Variants in CCDC13 observed in about 807,000 individuals in gnomAD.
CCDC13 encodes the protein coiled-coil domain containing 13, also known as coiled-coil domain-containing protein 13.
CCDC13 carries 70 observed loss-of-function variants against 87.3 expected under a neutral mutation model. The observed-to-expected ratio is 0.80, with a 90% CI of 0.66 to 0.98. CCDC13 has a LOEUF of 0.98. Among genes scored for constraint, CCDC13 ranks in the 50% least tolerant of loss-of-function variants. CCDC13 has a pLI of 0.00. For synonymous variants in CCDC13, 317 were observed against 360.3 expected, an observed-to-expected ratio of 0.88 and a Z score of 1.36; for missense variants, 842 against 892.0, an observed-to-expected ratio of 0.94 and a Z score of 0.71.
chr3:42,746,145 AT>A, intron 6 of CCDC13, 118 bp from the exon 7 acceptor site: 1 of 758,670 alleles, frequency 1.3e-6, no homozygotes, highest in African/African-American at 1.7e-5. Flanking sequence ...TCTTCTTCCC[AT>A]CTCAGAGCAT....
chr3:42,719,036 G>T (rs1416206990), intron 13 of CCDC13: 1 of 152,124 alleles, frequency 6.6e-6, no homozygotes, highest in Non-Finnish European at 1.5e-5. Flanking sequence ...TAAGATGTAG[G>T]GAGTTAGTGG....
rs1369965687 is a variant in CCDC13 at position 42,747,313 on chromosome 3, T to A, written c.664A>T (p.Ser222Cys). ...DRLVATNLKM[S>C]DLRNQIQSVK... Reference sequence around the variant, plus strand: ...GACTGGATCTGGTTTCGGAGGTCACTCATCTTCAAGTTGGTGGCCACCAGC... The same window carrying A: ...GACTGGATCTGGTTTCGGAGGTCACACATCTTCAAGTTGGTGGCCACCAGC... The change falls in exon 6 of 16, where the codon AGT becomes TGT. Residue 222 changes from serine (S) to cysteine (C), a missense_variant. Coordinates refer to ENST00000310232, the MANE Select transcript of CCDC13 (RefSeq NM_144719.4). 1.2e-6 allele frequency: 2 copies of A among 1,613,992 alleles called. No individual in the cohort carries two copies. The highest frequency in any genetic ancestry group is 1.7e-6 in the Non-Finnish European group (2 of 1,180,026).
intron 13 of CCDC13, among the ~76,000 whole-genome samples, chr3:42,721,579 T>C (rs1404319607): frequency 6.6e-6 from 1 of 152,254 alleles, no homozygotes; most frequent in Non-Finnish European, 1.5e-5. Flanking sequence ...GAGTAAAGCA[T>C]ACTCCTGTGA....
chr3:42,757,222 G>A lies in CCDC13; in HGVS notation c.222-8C>T. On this transcript the variant is annotated splice_polypyrimidine_tract_variant and splice_region_variant and intron_variant, in intron 2 of 15. Transcript: ENST00000310232. The stretch of plus-strand genomic sequence containing the variant: ...ATCTCATCTTCAAGCACCCTACAAG[G>A]CAAAGGCAGAATTAATGCTCCTCCA... 6.2e-7 allele frequency: 1 copy of A among 1,611,906 alleles called. No individual in the cohort carries two copies. The highest frequency in any genetic ancestry group is 8.5e-7 in the Non-Finnish European group (1 of 1,178,906).
At chr3:42,715,826 T>G (rs1698417797) in intron 13 of CCDC13, among the ~76,000 whole-genome samples, 1 of 152,294 alleles carries the variant, frequency 6.6e-6, no homozygotes, top group South Asian at 2.1e-4. Flanking sequence ...CCACTTCAAC[T>G]TTCCCCATGC....
At chr3:42,758,098 C>T in intron 2 of CCDC13, 27 bp downstream of exon 2, 1 of 1,567,878 alleles carries the variant, frequency 6.4e-7, no homozygotes, top group Non-Finnish European at 8.8e-7. Context: ...CACACACACC[C>T]CTGAGAGATT....
At chr3:42,741,094 T>A (rs1362358523) in intron 8 of CCDC13, 1 of 152,172 alleles carries the variant, frequency 6.6e-6, no homozygotes, top group African/African-American at 2.4e-5. Flanking sequence ...ACATGTAAGT[T>A]CAAGCTAGGT....
intron 9 of CCDC13, among the ~76,000 whole-genome samples, chr3:42,737,938 G>T (rs1575300529): frequency 6.6e-6 from 1 of 152,244 alleles, no homozygotes; most frequent in Admixed American, 6.5e-5. Context: ...GTCTATTTTG[G>T]CTTTTGCTGC....
chr3:42,709,584 T>C, intron 15 of CCDC13, 100 bp downstream of exon 15: 1 of 946,936 alleles, frequency 1.1e-6, no homozygotes. Context: ...TCTGGGCAAA[T>C]GAGTCAAAAG....
chr3:42,757,575 A>G (rs1392369854), intron 2 of CCDC13, among the ~76,000 whole-genome samples: 1 of 152,202 alleles, frequency 6.6e-6, no homozygotes, highest in Non-Finnish European at 1.5e-5. Context: ...AAAATTAGCC[A>G]GGCATGGTGG....
chr3:42,743,138 A>G (rs12635736), intron 7 of CCDC13, 81 bp from the exon 8 acceptor site: 725,541 of 1,516,084 alleles, frequency 0.48, 175,431 homozygotes, highest in African/African-American at 0.6. Context: ...GAGACCCCAC[A>G]GACTGAAGAT....
At chr3:42,704,146 C>T (rs1698110148), downstream of CCDC13, 1 of 152,224 alleles carries the variant, frequency 6.6e-6, no homozygotes, top group Non-Finnish European at 1.5e-5. Flanking sequence ...AATGTCACCA[C>T]AGCCCATAGG....
Position 42,708,685 on chromosome 3 carries a change from T to C in CCDC13, c.*295A>G. ...TGCCCGAGGGACTGCATCTGTCCATTCACAGCCGCCTTGCCATCCCAGAGC... is the reference window on the plus strand; with the variant it reads ...TGCCCGAGGGACTGCATCTGTCCATCCACAGCCGCCTTGCCATCCCAGAGC... On this transcript the variant is annotated 3_prime_UTR_variant, in exon 16 of 16. Transcript: ENST00000310232. 3.1e-6 allele frequency: 1 copy of C among 322,400 alleles called. No individual in the cohort carries two copies. Among genetic ancestry groups the C allele is most frequent in the Non-Finnish European group, 5.6e-6 (1 of 177,742 alleles). The allele number at this position is 322,400 out of a possible 1,614,324, so 20.0% of individuals were successfully genotyped here.
In CCDC13 at chr3:42,758,215, G is replaced by A. The variant is rs762839363; in HGVS notation, c.131C>T (p.Ala44Val). 1.9e-6 allele frequency: 3 copies of A among 1,614,114 alleles called. No homozygotes were observed. In the South Asian group the frequency reaches 3.3e-5, roughly 18 times the overall value. Residue 44 changes from alanine to valine, a missense_variant, in exon 2 of 16, where the codon GCT (alanine) becomes GTT (valine). Ala to Val is a moderately conservative substitution (Grantham distance 64, BLOSUM62 0). Transcript: ENST00000310232. ...REKELSLKSRADDQEEPLEVS... is the reference protein window; with the variant it reads ...REKELSLKSRVDDQEEPLEVS... Reference sequence around the variant, plus strand: ...CTCCAAGGGCTCCTCTTGGTCGTCAGCTCTGCTTTTGAGGCTCAGTTCTTT... The same window carrying A: ...CTCCAAGGGCTCCTCTTGGTCGTCAACTCTGCTTTTGAGGCTCAGTTCTTT...
intron 2 of CCDC13, among the ~76,000 whole-genome samples, chr3:42,757,543 G>A (rs9866005): frequency 0.046 from 7,050 of 152,182 alleles, 565 homozygotes; most frequent in African/African-American, 0.16. Flanking sequence ...GAAAGACCCT[G>A]TCTCTAAAAA....
chr3:42,752,538 A>T, intron 4 of CCDC13, 37 bp downstream of exon 4: 1 of 1,612,742 alleles, frequency 6.2e-7, no homozygotes, highest in South Asian at 1.1e-5. Context: ...CCATGCTAGG[A>T]GTCCCCTCCA....
intron 1 of CCDC13, among the ~76,000 whole-genome samples, chr3:42,772,362 G>A (rs77332436): frequency 0.011 from 1,731 of 151,820 alleles, 30 homozygotes; most frequent in African/African-American, 0.04. Context: ...AGGACTTAGA[G>A]CCAGGGAGTA....
intron 3 of CCDC13, among the ~76,000 whole-genome samples, chr3:42,755,180 G>A (rs938951559): frequency 7.2e-5 from 11 of 152,112 alleles, no homozygotes; most frequent in African/African-American, 1.4e-4. Flanking sequence ...TAAATATTTT[G>A]TAATCACTAG....
chr3:42,733,527 C>T lies in CCDC13; in HGVS notation c.1454G>A (p.Gly485Asp). Residue 485 changes from glycine to aspartate, a missense_variant, in exon 11 of 16, where the codon GGC becomes GAC. Coordinates refer to ENST00000310232, the MANE Select transcript of CCDC13 (RefSeq NM_144719.4). ...TGCTGAGGCCGGGGACTTGGTCAGG[C>T]CTGGGTCCTCCAGGAACTGGGTATA... ...PAYTQFLEDP[G>D]LTKSPASAGD... The T allele has an allele frequency of 6.2e-7, 1 of 1,614,100 alleles. No individual in the cohort carries two copies. The highest frequency in any genetic ancestry group is 8.5e-7 in the Non-Finnish European group (1 of 1,180,016).
Sources: allele counts gnomAD v4.1 joint callset (sites outside exome capture counted in the v4.1 genomes callset), GRCh38; gene constraint gnomAD v4.1.1; transcripts MANE v1.5; gene names NCBI Gene and HGNC (gene_info 2026-07-23, HGNC 2026-07-21).